CHD1: variants seen among roughly 807,000 people sequenced by gnomAD.
CHD1 encodes the protein ATP-dependent chromatin remodeler CHD1.
Under a neutral mutation model 224.2 loss-of-function variants are expected in CHD1, and 36 were observed. The observed-to-expected ratio is 0.16, with a 90% confidence interval of 0.12 to 0.21. The LOEUF (loss-of-function observed/expected upper bound fraction) is 0.21. CHD1 is among the 10% of genes least tolerant of loss of function. CHD1 has a pLI of 1.00. For synonymous variants in CHD1, 668 were observed against 658.3 expected (o/e 1.01, Z -0.23); for missense variants, 1,378 against 1,994.8 (o/e 0.69, Z 5.89).
At chr5:98,924,494 CAT>C (rs1243381611) in intron 2 of CHD1, among the ~76,000 whole-genome samples, 2 of 152,210 alleles carry the variant, frequency 1.3e-5, no homozygotes, top group Non-Finnish European at 2.9e-5. Context: ...TTGAGGCAAT[CAT>C]ATGAGTTTTA....
At chr5:98,879,342 A>AC (rs1226986241) in intron 23 of CHD1, among the ~76,000 whole-genome samples, 3 of 152,224 alleles carry the variant, frequency 2.0e-5, no homozygotes, top group African/African-American at 4.8e-5. Flanking sequence ...ACACACACAC[A>AC]AAAATCAATG....
At chr5:98,920,512 A>G (rs1262730216) in intron 2 of CHD1, among the ~76,000 whole-genome samples, 1 of 152,168 alleles carries the variant, frequency 6.6e-6, no homozygotes, top group Non-Finnish European at 1.5e-5. Flanking sequence ...ACAATAGACA[A>G]GGCCAGGTGT....
chr5:98,913,419 A>C (rs1752546765), intron 2 of CHD1, among the ~76,000 whole-genome samples: 1 of 152,152 alleles, frequency 6.6e-6, no homozygotes, highest in African/African-American at 2.4e-5. Flanking sequence ...GGCTGCAATG[A>C]GCTATCAACT....
chr5:98,904,058 A>G, intron 3 of CHD1, 150 bp from the exon 4 acceptor site: 1 of 578,838 alleles, frequency 1.7e-6, no homozygotes, highest in Non-Finnish European at 3.1e-6. Flanking sequence ...TTATCATTGC[A>G]ATATAGTTAA....
intron 14 of CHD1, 94 bp downstream of exon 14, chr5:98,893,322 G>A: frequency 1.4e-6 from 1 of 732,348 alleles, no homozygotes; most frequent in Non-Finnish European, 2.1e-6. Context: ...AATCTTTTAG[G>A]GCAATAAAAA....
chr5:98,915,482 T>C (rs930435081), intron 2 of CHD1, among the ~76,000 whole-genome samples: 2 of 152,186 alleles, frequency 1.3e-5, no homozygotes, highest in African/African-American at 4.8e-5. Flanking sequence ...AACTCAAAAG[T>C]AAATATTTTC....
At chr5:98,860,559 C>T (rs1431503350) in intron 32 of CHD1, 2 of 177,254 alleles carry the variant, frequency 1.1e-5, no homozygotes, top group Admixed American at 1.2e-4. Context: ...CAACCAAACA[C>T]CATAAATGAG....
At chr5:98,856,774 G>T in intron 35 of CHD1, 49 bp from the exon 36 acceptor site, 2 of 1,190,640 alleles carry the variant, frequency 1.7e-6, no homozygotes, top group South Asian at 1.5e-5. Context: ...AAATTAAAAT[G>T]TTTCCAAATA....
chr5:98,887,709 C>T (rs906688742), intron 17 of CHD1, among the ~76,000 whole-genome samples: 2 of 152,102 alleles, frequency 1.3e-5, no homozygotes, highest in East Asian at 1.9e-4. Flanking sequence ...AGAATCTTGG[C>T]AGCATTCACA....
intron 2 of CHD1, among the ~76,000 whole-genome samples, chr5:98,922,316 G>T (rs1561282054): frequency 3.9e-5 from 6 of 152,100 alleles, no homozygotes. Context: ...ACTTTGTGTT[G>T]AGCTGTAACT....
chr5:98,854,223 A>G lies in CHD1; in HGVS notation c.*2157T>C, dbSNP rs940746907. 2 of 152,066 alleles carry G rather than the reference A, an allele frequency of 1.3e-5. No homozygotes were observed. The highest frequency in any genetic ancestry group is 4.8e-5 in the African/African-American group (2 of 41,452). The allele number at this position is 152,066 out of a possible 1,614,324, so 9.4% of individuals were successfully genotyped here. On this transcript the variant is annotated 3_prime_UTR_variant, in exon 36 of 36. Coordinates refer to ENST00000614616, the MANE Select transcript of CHD1 (RefSeq NM_001270.4). ...ATATTTTATCATTTGATAAATGTAC[A>G]TACAGTTCTATATTTTTCATTCAAC... is the stretch of plus-strand genomic sequence containing the variant.
At chr5:98,907,894 A>G (rs930207588) in intron 2 of CHD1, among the ~76,000 whole-genome samples, 1 of 152,128 alleles carries the variant, frequency 6.6e-6, no homozygotes. Context: ...TTAAAAAGAG[A>G]TTTTTAAAAA....
intron 16 of CHD1, 81 bp downstream of exon 16, chr5:98,888,995 G>T: frequency 1.1e-6 from 1 of 911,442 alleles, no homozygotes; most frequent in Non-Finnish European, 1.6e-6. Flanking sequence ...ATAAGTTAAA[G>T]CATTGAGCCA....
intron 18 of CHD1, among the ~76,000 whole-genome samples, chr5:98,885,274 C>G (rs1458828968): frequency 6.6e-6 from 1 of 152,084 alleles, no homozygotes; most frequent in Non-Finnish European, 1.5e-5. Context: ...CGCCTGTAAT[C>G]CCAGCTACTT....
chr5:98,917,998 T>C (rs1752849655), intron 2 of CHD1, among the ~76,000 whole-genome samples: 1 of 152,152 alleles, frequency 6.6e-6, no homozygotes, highest in Non-Finnish European at 1.5e-5. Context: ...CCATTGGCAG[T>C]GTTTTTTCTG....
At position 98,901,660 on chromosome 5, in the gene CHD1, T is replaced by C. The variant is rs766226494; in HGVS notation, c.438-325A>G. Among the ~76,000 whole-genome samples the C allele has an allele frequency of 1.6e-4, 24 of 152,112 alleles. 1 individual carries two copies. The South Asian group carries it at 3.3e-3, about 21-fold the overall frequency. The stretch of plus-strand genomic sequence containing the variant: ...AAAAAGAGATACTAATCCATGCCAT[T>C]TTAATCCTCGAGAGGTTGTGATTTT... On this transcript the variant is annotated intron_variant, in intron 5 of 35. Transcript: ENST00000614616.
chr5:98,855,036 C>G lies in CHD1; in HGVS notation c.*1344G>C, dbSNP rs1440353032. On this transcript the variant is annotated 3_prime_UTR_variant, in exon 36 of 36. Coordinates refer to ENST00000614616, the MANE Select transcript of CHD1 (RefSeq NM_001270.4). ...ACTTCATAGGAATATTCATAGTCTC[C>G]AAAACAGATTTAGTTGTAATGCTAC... 6.6e-6 allele frequency: 1 copy of G among 151,998 alleles called. No homozygotes were observed. Among genetic ancestry groups the G allele is most frequent in the Non-Finnish European group, 1.5e-5 (1 of 68,018 alleles). The allele number at this position is 151,998 out of a possible 1,614,324, so 9.4% of individuals were successfully genotyped here.
intron 9 of CHD1, 47 bp from the exon 10 acceptor site, chr5:98,898,481 T>C (rs773155283): frequency 5.2e-5 from 74 of 1,417,076 alleles, no homozygotes; most frequent in Non-Finnish European, 6.4e-5. Flanking sequence ...TTTTTTTACA[T>C]TTAATCATCA....
chr5:98,901,810 T>C (rs573691670), intron 5 of CHD1, among the ~76,000 whole-genome samples: 110 of 151,762 alleles, frequency 7.2e-4, no homozygotes, highest in Non-Finnish European at 1.1e-3. Context: ...GTACCTTACC[T>C]GTATTATTAT....
Sources: allele counts gnomAD v4.1 joint callset (sites outside exome capture counted in the v4.1 genomes callset), GRCh38; gene constraint gnomAD v4.1.1; transcripts MANE v1.5; gene names NCBI Gene and HGNC (gene_info 2026-07-23, HGNC 2026-07-21).